Variants in CDH13 observed in about 807,000 individuals in gnomAD.
The protein encoded by CDH13 is cadherin-13.
In CDH13, 24 loss-of-function variants were observed where a neutral mutation model predicts 63.8. That is an observed-to-expected ratio of 0.38 (90% confidence interval 0.27 to 0.53). CDH13 has a LOEUF of 0.53. Among genes scored for constraint, CDH13 ranks in the 20% least tolerant of loss-of-function variants. CDH13 has a pLI of 0.85. For missense variants in CDH13, 1,049 were observed against 903.1 expected, an observed-to-expected ratio of 1.16 and a Z score of -2.07; for synonymous variants, 503 against 355.3, an observed-to-expected ratio of 1.42 and a Z score of -4.67.
chr16:83,687,424 C>G (rs987586751), intron 10 of CDH13, among the ~76,000 whole-genome samples: 1 of 152,184 alleles, frequency 6.6e-6, no homozygotes, highest in Admixed American at 6.5e-5. Context: ...CAGCACTTCA[C>G]ATGTCCAGAG....
Position 83,032,017 on chromosome 16 carries a change from C to T in CDH13, c.165C>T (p.Phe55=), listed in dbSNP as rs781249825. ...GTTTCGTTTGTTTCCCAGTGACCTTCAGTGACTGTAAGGGAAACGACAAGC... is the reference window on the plus strand; with the variant it reads ...GTTTCGTTTGTTTCCCAGTGACCTTTAGTGACTGTAAGGGAAACGACAAGC... ...IEDQSILNLT[F]SDCKGNDKLR... is the part of the protein sequence containing the mutation. The change falls in exon 3 of 14, where the codon TTC becomes TTT. Residue 55 remains phenylalanine, a synonymous_variant. Transcript: ENST00000567109. The T allele has an allele frequency of 6.9e-6, 11 of 1,588,240 alleles. No homozygotes were observed. The highest frequency in any genetic ancestry group is 1.8e-5 in the Admixed American group (1 of 56,090).
chr16:83,664,596 T>C lies in CDH13; in HGVS notation c.1102-6194T>C, dbSNP rs140259563. Among the ~76,000 whole-genome samples, 46 of 151,898 alleles carry C rather than the reference T, an allele frequency of 3.0e-4. No homozygotes were observed. In the East Asian group the frequency reaches 3.9e-3, roughly 13 times the overall value. On this transcript the variant is annotated intron_variant, in intron 8 of 13. Transcript: ENST00000567109. ...GTGCACACAAACATGATGTGGAGGC[T>C]GAATGAAAATGTTCTCATACGTTTT...
chr16:83,179,330 C>T (rs1335566181), intron 4 of CDH13, among the ~76,000 whole-genome samples: 1 of 151,900 alleles, frequency 6.6e-6, no homozygotes, highest in Non-Finnish European at 1.5e-5. Context: ...CACATGCTAA[C>T]AGGACCATGA....
intron 2 of CDH13, among the ~76,000 whole-genome samples, chr16:82,936,651 G>C (rs11864595): frequency 0.35 from 53,595 of 152,058 alleles, 12,262 homozygotes; most frequent in African/African-American, 0.65. Flanking sequence ...TCCCCCGAGT[G>C]GTGATGCTAC....
Position 83,268,563 on chromosome 16 carries a change from A to G in CDH13, c.636+51066A>G, listed in dbSNP as rs574891996. ...GGTCATGTTTAAGGATATATAAATT[A>G]CATGTTGTAGACAAAGTCTACGTTT... On this transcript the variant is annotated intron_variant, in intron 5 of 13. Transcript: ENST00000567109. 5.3e-5 allele frequency among the ~76,000 whole-genome samples: 8 copies of G among 152,326 alleles called. No homozygotes were observed. In the East Asian group the frequency reaches 1.4e-3, roughly 26 times the overall value.
intron 8 of CDH13, among the ~76,000 whole-genome samples, chr16:83,635,502 C>A (rs1435673850): frequency 6.6e-6 from 1 of 151,716 alleles, no homozygotes; most frequent in Non-Finnish European, 1.5e-5. Flanking sequence ...TGCCACCATG[C>A]CCAGCTAATT....
chr16:83,283,902 A>G (rs2089245311), intron 5 of CDH13, among the ~76,000 whole-genome samples: 1 of 151,872 alleles, frequency 6.6e-6, no homozygotes, highest in South Asian at 2.1e-4. Flanking sequence ...TTTATTAATC[A>G]TTACATTTTT....
chr16:83,533,533 C>G (rs1026499669), intron 7 of CDH13, among the ~76,000 whole-genome samples: 1 of 152,060 alleles, frequency 6.6e-6, no homozygotes, highest in African/African-American at 2.4e-5. Flanking sequence ...CAGTAAGGAC[C>G]CAGCACAAGG....
intron 2 of CDH13, among the ~76,000 whole-genome samples, chr16:82,873,004 A>G (rs1041851173): frequency 1.3e-5 from 2 of 152,182 alleles, no homozygotes; most frequent in Non-Finnish European, 2.9e-5. Flanking sequence ...ACATGACAAG[A>G]CGATGGTTAA....
intron 6 of CDH13, among the ~76,000 whole-genome samples, chr16:83,355,633 G>A (rs760129706): frequency 1.3e-5 from 2 of 152,180 alleles, no homozygotes; most frequent in South Asian, 4.1e-4. Context: ...AATACCTTTA[G>A]AGTACCTGCC....
At chr16:82,635,106 G>T (rs554471519) in intron 1 of CDH13, among the ~76,000 whole-genome samples, 1 of 152,204 alleles carries the variant, frequency 6.6e-6, no homozygotes, top group Non-Finnish European at 1.5e-5. Flanking sequence ...GGTGTTCTTT[G>T]TCTTTCTCCT....
At chr16:83,568,179 C>G (rs1424818410) in intron 7 of CDH13, among the ~76,000 whole-genome samples, 17 of 151,078 alleles carry the variant, frequency 1.1e-4, no homozygotes, top group Non-Finnish European at 2.5e-4. Flanking sequence ...GACACTCACC[C>G]CAAAACAAAA....
intron 3 of CDH13, among the ~76,000 whole-genome samples, chr16:83,121,659 G>A (rs1484063691): frequency 6.6e-6 from 1 of 152,176 alleles, no homozygotes; most frequent in Non-Finnish European, 1.5e-5. Context: ...GAACATTTAG[G>A]ATGTTTTCCA....
rs1165473749 is a variant in CDH13, at chr16:83,692,356, C to T, written c.1538+13895C>T. Reference sequence around the variant, plus strand: ...CTGGACTCAAGGTTGCAGGAGGTCCCTAGGGATGCATTCTTCCCGGCTTGC... The same window carrying T: ...CTGGACTCAAGGTTGCAGGAGGTCCTTAGGGATGCATTCTTCCCGGCTTGC... On this transcript the variant is annotated intron_variant, in intron 10 of 13. Coordinates refer to ENST00000567109, the MANE Select transcript of CDH13 (RefSeq NM_001257.5). 2.0e-5 allele frequency among the ~76,000 whole-genome samples: 3 copies of T among 152,236 alleles called. No homozygotes were observed. The East Asian group carries it at 5.8e-4, about 29-fold the overall frequency.
At position 83,783,357 on chromosome 16, in the gene CDH13, A is replaced by G. The variant is rs1301459779; in HGVS notation, c.2019A>G (p.Thr673=). ...DSGKPPMTNI[T]DLRVQVCSCR... The stretch of plus-strand genomic sequence containing the variant: ...GGAAACCACCCATGACGAATATCAC[A>G]GATCTCAGGGTACAAGTGTGCTCCT... The change falls in exon 13 of 14, where the codon ACA becomes ACG. Residue 673 remains threonine (T), a synonymous_variant. Coordinates refer to ENST00000567109, the MANE Select transcript of CDH13 (RefSeq NM_001257.5). 6.2e-7 allele frequency: 1 copy of G among 1,613,926 alleles called. No homozygotes were observed.
intron 5 of CDH13, among the ~76,000 whole-genome samples, chr16:83,228,001 C>T (rs111508128): frequency 1.2e-4 from 18 of 152,206 alleles, no homozygotes; most frequent in African/African-American, 3.6e-4. Flanking sequence ...GGAATAGACA[C>T]GGAGCCGATA....
At position 83,118,135 on chromosome 16, in the gene CDH13, G is replaced by A. The variant is rs146828448; in HGVS notation, c.367-7250G>A. On this transcript the variant is annotated intron_variant, in intron 3 of 13. Transcript: ENST00000567109. ...GATGACCTAGGCTAAAGATGCTGCG[G>A]ATCACTGTCCGGAGACTGCTGTGGG... Among the ~76,000 whole-genome samples the A allele has an allele frequency of 1.2e-3, 185 of 152,284 alleles. 1 individual carries two copies. The highest frequency in any genetic ancestry group is 4.2e-3 in the African/African-American group (176 of 41,558).
intron 4 of CDH13, among the ~76,000 whole-genome samples, chr16:83,209,000 G>C (rs4454960): frequency 0.91 from 138,685 of 152,094 alleles, 63,789 homozygotes; most frequent in East Asian, 0.97. Context: ...TGCCTGGGAA[G>C]TTCACTATGG....
intron 1 of CDH13, among the ~76,000 whole-genome samples, chr16:82,737,906 T>A (rs1010684209): frequency 6.6e-6 from 1 of 152,236 alleles, no homozygotes; most frequent in African/African-American, 2.4e-5. Context: ...TAATCAAGGC[T>A]TCCAATATCA....
Sources: allele counts gnomAD v4.1 joint callset (sites outside exome capture counted in the v4.1 genomes callset), GRCh38; gene constraint gnomAD v4.1.1; transcripts MANE v1.5; gene names NCBI Gene and HGNC (gene_info 2026-07-23, HGNC 2026-07-21).